The following NSL1 variants were observed in gnomAD, a reference collection of about 807,000 sequenced individuals.
NSL1 encodes the protein NSL1 component of MIS12 kinetochore complex.
In NSL1, 11 loss-of-function variants were observed where a neutral mutation model predicts 25.4. The observed-to-expected ratio is 0.43, with a 90% CI of 0.27 to 0.72. NSL1 has a LOEUF of 0.72. NSL1 is among the 30% of genes least tolerant of loss of function. NSL1 has a pLI of 0.19. For synonymous variants in NSL1, 118 were observed against 120.6 expected (o/e 0.98, Z 0.14); for missense variants, 330 against 342.7 (o/e 0.96, Z 0.29).
rs1383770206 is a variant in NSL1 at position 212,764,399 on chromosome 1, GAGA to G, written c.499+17970_499+17972del. On this transcript the variant is annotated intron_variant, in intron 4 of 5. Coordinates refer to ENST00000366977, the MANE Select transcript of NSL1 (RefSeq NM_015471.4). The stretch of plus-strand genomic sequence containing the variant: ...AAGAACAAACTAAACCCAAACCCAG[GAGA>G]AGAAGTAACAAAGATCAGAGCAGAA... 8.6e-5 allele frequency among the ~76,000 whole-genome samples: 13 copies of G among 152,044 alleles called. No individual in the cohort carries two copies. The South Asian group carries it at 2.1e-3, about 24-fold the overall frequency.
Position 212,760,546 on chromosome 1 carries a change from A to G in NSL1, c.500-20945T>C, listed in dbSNP as rs1659515387. ...TGAGGACGGGCCTGACTAGCCTATC[A>G]TCACCACCACCATCACCGCCAGGAC... On this transcript the variant is annotated intron_variant, in intron 4 of 5. Transcript: ENST00000366977. This position sits in a 1 kb window ranked among gnomAD's most constrained non-coding sequence, Gnocchi z 4.3. 6.6e-6 allele frequency among the ~76,000 whole-genome samples: 1 copy of G among 151,958 alleles called. No individual in the cohort carries two copies. Among genetic ancestry groups the G allele is most frequent in the South Asian group, 2.1e-4 (1 of 4,820 alleles).
In NSL1 at chr1:212,727,092, C is replaced by CG. The variant is rs3835160; in HGVS notation, c.*11315_*11316insC. 0.67 allele frequency: 1,034,419 copies of CG among 1,542,666 alleles called. 350,685 individuals are homozygous for CG. The highest frequency in any genetic ancestry group is 0.69 in the Non-Finnish European group (789,250 of 1,142,336). ...ACCCAGCTTCATCCTCTTCATCTTG[C>CG]CAGTTCACCAGAGGCAGAAGGGATG... On this transcript the variant is annotated 3_prime_UTR_variant, in exon 6 of 6. Transcript: ENST00000366977.
chr1:212,752,673 A>G (rs762522669), intron 4 of NSL1, among the ~76,000 whole-genome samples: 3 of 152,210 alleles, frequency 2.0e-5, no homozygotes, highest in Non-Finnish European at 4.4e-5. Context: ...AGATTGCTAT[A>G]AGGATATTTT....
intron 4 of NSL1, among the ~76,000 whole-genome samples, chr1:212,763,109 C>T (rs1426166195): frequency 6.6e-6 from 1 of 152,152 alleles, no homozygotes; most frequent in Admixed American, 6.5e-5. Context: ...ATCCAGTAAG[C>T]GAAGCACTGT....
chr1:212,788,424 C>T (rs948580134), intron 1 of NSL1, among the ~76,000 whole-genome samples: 6 of 152,120 alleles, frequency 3.9e-5, no homozygotes, highest in African/African-American at 9.7e-5. Context: ...AAAATTTTGA[C>T]AACTGTTGAG....
At position 212,732,780 on chromosome 1, in the gene NSL1, A is replaced by T. The variant is rs1401978630; in HGVS notation, c.*5628T>A. 1.2e-5 allele frequency: 4 copies of T among 324,888 alleles called. No homozygotes were observed. Among genetic ancestry groups the T allele is most frequent in the Non-Finnish European group, 1.8e-5 (4 of 226,538 alleles). The allele number at this position is 324,888 out of a possible 1,614,324, so 20.1% of individuals were successfully genotyped here. A position where few individuals can be genotyped will look rare whatever the true frequency, so the allele number is the denominator to read the frequency against. On this transcript the variant is annotated 3_prime_UTR_variant, in exon 6 of 6. Transcript: ENST00000366977. The stretch of plus-strand genomic sequence containing the variant: ...AGAACCCCCAAACGGGATGCCTTGG[A>T]GGTAATTTTTTTTGACGCTTTGCAT...
intron 4 of NSL1, among the ~76,000 whole-genome samples, chr1:212,781,772 GAATACAGTCATT>G (rs1349868516): frequency 6.6e-6 from 1 of 152,124 alleles, no homozygotes; most frequent in African/African-American, 2.4e-5. Flanking sequence ...TTAAATGTGA[GAATACAGTCATT>G]TGAAAATATA....
Position 212,727,518 on chromosome 1 carries a change from A to G in NSL1, c.*10890T>C. Reference sequence around the variant, plus strand: ...TGCAATTTAGGTTAATATCATAACTATACCACTGGAGAGAAAGGACAATGA... The same window carrying G: ...TGCAATTTAGGTTAATATCATAACTGTACCACTGGAGAGAAAGGACAATGA... On this transcript the variant is annotated 3_prime_UTR_variant, in exon 6 of 6. Transcript: ENST00000366977. The G allele has an allele frequency of 6.1e-6, 6 of 985,438 alleles. No homozygotes were observed. Among genetic ancestry groups the G allele is most frequent in the Non-Finnish European group, 7.2e-6 (6 of 829,904 alleles). 61.0% of individuals were successfully genotyped at this position (985,438 alleles called of 1,614,324 possible).
Position 212,728,212 on chromosome 1 carries a change from G to T in NSL1, c.*10196C>A, listed in dbSNP as rs980227989. On this transcript the variant is annotated 3_prime_UTR_variant, in exon 6 of 6. Transcript: ENST00000366977. ...GGCATGTAGTAAGCACTCAATACAT[G>T]GTAACTACTAGCATTATATTGATAT... 11 of 931,116 alleles carry T rather than the reference G, an allele frequency of 1.2e-5. No homozygotes were observed. The African/African-American group carries it at 1.8e-4, about 15-fold the overall frequency. The allele number at this position is 931,116 out of a possible 1,614,324, so 57.7% of individuals were successfully genotyped here. A position where few individuals can be genotyped will look rare whatever the true frequency, so the allele number is the denominator to read the frequency against.
At position 212,733,433 on chromosome 1, in the gene NSL1, C is replaced by CAAAAAAAAAAAA. The variant is rs140675222; in HGVS notation, c.*4963_*4974dup. Among the ~76,000 whole-genome samples, 8 of 135,900 alleles carry CAAAAAAAAAAAA rather than the reference C, an allele frequency of 5.9e-5. No individual in the cohort carries two copies. Among genetic ancestry groups the CAAAAAAAAAAAA allele is most frequent in the African/African-American group, 1.9e-4 (7 of 37,216 alleles). The allele number at this position is 135,900 out of a possible 152,430, so 89.2% of individuals were successfully genotyped here. A position where few individuals can be genotyped will look rare whatever the true frequency, so the allele number is the denominator to read the frequency against. On this transcript the variant is annotated 3_prime_UTR_variant, in exon 6 of 6. Coordinates refer to ENST00000366977, the MANE Select transcript of NSL1 (RefSeq NM_015471.4). Reference sequence around the variant, plus strand: ...GGCAACACAGCAAGACCTTGTTTCACAAAAAAAAAAAAAAAAAAATCCCAT... The same window carrying CAAAAAAAAAAAA: ...GGCAACACAGCAAGACCTTGTTTCACAAAAAAAAAAAAAAAAAAAAAAAAAAAAAAATCCCAT...
In NSL1 at chr1:212,791,743, C is replaced by G. The variant is rs1203817223; in HGVS notation, c.21G>C (p.Leu7Phe). The change falls in exon 1 of 6, where the codon TTG becomes TTC. Residue 7 changes from leucine (L) to phenylalanine (F), a missense_variant. Leu to Phe is a conservative substitution (Grantham distance 22, BLOSUM62 0). Transcript: ENST00000366977. ...TGTCCCATGGAGGGTCAAGGACCAC[C>G]AACTCAGGAGACCCCGCCATTTTTC... MAGSPELVVLDPPWDKE... is the reference protein window; with the variant it reads MAGSPEFVVLDPPWDKE... 1.2e-6 allele frequency: 2 copies of G among 1,610,010 alleles called. No homozygotes were observed. Among genetic ancestry groups the G allele is most frequent in the Non-Finnish European group, 1.7e-6 (2 of 1,177,634 alleles).
chr1:212,727,697 G>T lies in NSL1; in HGVS notation c.*10711C>A. The T allele has an allele frequency of 3.0e-6, 3 of 985,022 alleles. No homozygotes were observed. Among genetic ancestry groups the T allele is most frequent in the Non-Finnish European group, 3.6e-6 (3 of 829,588 alleles). 61.0% of individuals were successfully genotyped at this position (985,022 alleles called of 1,614,324 possible). A position where few individuals can be genotyped will look rare whatever the true frequency, so the allele number is the denominator to read the frequency against. ...GGACTGTTAGCTTCCCACGATGAAA[G>T]AATGACTAGCTATGATGATTTATAT... is the stretch of plus-strand genomic sequence containing the variant. On this transcript the variant is annotated 3_prime_UTR_variant, in exon 6 of 6. Coordinates refer to ENST00000366977, the MANE Select transcript of NSL1 (RefSeq NM_015471.4).
Position 212,728,843 on chromosome 1 carries a change from T to C in NSL1, c.*9565A>G, listed in dbSNP as rs1657892038. 7.1e-6 allele frequency: 7 copies of C among 985,216 alleles called. No individual in the cohort carries two copies. Among genetic ancestry groups the C allele is most frequent in the African/African-American group, 1.7e-5 (1 of 57,216 alleles). The allele number at this position is 985,216 out of a possible 1,614,324, so 61.0% of individuals were successfully genotyped here. A position where few individuals can be genotyped will look rare whatever the true frequency, so the allele number is the denominator to read the frequency against. ...TCAGCGCAGAGAAAATTAAGTCTAG[T>C]GTTTGCAGGAGGGCAAGACTGGGAG... On this transcript the variant is annotated 3_prime_UTR_variant, in exon 6 of 6. Transcript: ENST00000366977.
Position 212,727,885 on chromosome 1 carries a change from CTA to C in NSL1, c.*10521_*10522del, listed in dbSNP as rs1387542154. 2 of 985,210 alleles carry C rather than the reference CTA, an allele frequency of 2.0e-6. No individual in the cohort carries two copies. Among genetic ancestry groups the C allele is most frequent in the Admixed American group, 6.1e-5 (1 of 16,264 alleles). The allele number at this position is 985,210 out of a possible 1,614,324, so 61.0% of individuals were successfully genotyped here. Reference sequence around the variant, plus strand: ...AAATGTTTGTTGATACTCTCTGTTGCTATGTGTCATTGAAAAAAAATGAGAAG... The same window carrying C: ...AAATGTTTGTTGATACTCTCTGTTGCTGTGTCATTGAAAAAAAATGAGAAG... On this transcript the variant is annotated 3_prime_UTR_variant, in exon 6 of 6. Coordinates refer to ENST00000366977, the MANE Select transcript of NSL1 (RefSeq NM_015471.4).
At chr1:212,775,838 T>G (rs940522338) in intron 4 of NSL1, among the ~76,000 whole-genome samples, 6 of 151,460 alleles carry the variant, frequency 4.0e-5, no homozygotes, top group African/African-American at 1.2e-4. Flanking sequence ...TTTTTTTTTG[T>G]TTTTTTTGAG....
chr1:212,767,838 C>A (rs548937505), intron 4 of NSL1, among the ~76,000 whole-genome samples: 2 of 152,240 alleles, frequency 1.3e-5, no homozygotes, highest in South Asian at 2.1e-4. Context: ...CATCACTAAT[C>A]ATCAGAGAAA....
At chr1:212,785,282 TG>T (rs1660895349) in intron 2 of NSL1, among the ~76,000 whole-genome samples, 1 of 152,204 alleles carries the variant, frequency 6.6e-6, no homozygotes, top group Non-Finnish European at 1.5e-5. Context: ...TGCTTTTTCA[TG>T]TTTTAAAACA....
At position 212,730,778 on chromosome 1, in the gene NSL1, C is replaced by A; in HGVS notation, c.*7630G>T. The A allele has an allele frequency of 3.0e-6, 3 of 985,396 alleles. No homozygotes were observed. Among genetic ancestry groups the A allele is most frequent in the Non-Finnish European group, 3.6e-6 (3 of 829,918 alleles). 61.0% of individuals were successfully genotyped at this position (985,396 alleles called of 1,614,324 possible). On this transcript the variant is annotated 3_prime_UTR_variant, in exon 6 of 6. Coordinates refer to ENST00000366977, the MANE Select transcript of NSL1 (RefSeq NM_015471.4). ...TCTAGTAGACAGGAGACTCTGGAGT[C>A]CTAATTCAGGTCAGTTTCCCAGTGA...
intron 4 of NSL1, among the ~76,000 whole-genome samples, chr1:212,742,413 A>G (rs1356423136): frequency 1.3e-5 from 2 of 152,244 alleles, no homozygotes; most frequent in Admixed American, 6.5e-5. Flanking sequence ...AAATAGAGAT[A>G]ACATACCAAG....
Sources: gnomAD v4.1 joint callset for allele counts (sites outside exome capture counted in the v4.1 genomes callset) on GRCh38, gnomAD v4.1.1 for gene constraint, Gnocchi (gnomAD v3.1) non-coding constraint, MANE v1.5 for transcripts, NCBI Gene and HGNC (gene_info 2026-07-23, HGNC 2026-07-21) for gene names.